SEMA5A: variants seen among roughly 807,000 people sequenced by gnomAD.
SEMA5A encodes the protein semaphorin-5A.
In SEMA5A, 55 loss-of-function variants were observed where a neutral mutation model predicts 135.5. That is an observed-to-expected ratio of 0.41 (90% CI 0.33 to 0.51). The LOEUF (loss-of-function observed/expected upper bound fraction) is 0.51. SEMA5A is among the 20% of genes least tolerant of loss of function. SEMA5A has a pLI of 0.37. For synonymous variants in SEMA5A, 580 were observed against 546.5 expected (o/e 1.06, Z -0.85); for missense variants, 1,290 against 1,419.9 (o/e 0.91, Z 1.47).
intron 12 of SEMA5A, among the ~76,000 whole-genome samples, chr5:9,152,023 T>C (rs938882196): frequency 1.3e-5 from 2 of 152,226 alleles, no homozygotes; most frequent in Non-Finnish European, 2.9e-5. Flanking sequence ...CCAGGGACAC[T>C]GTGCCTCTCA....
intron 16 of SEMA5A, among the ~76,000 whole-genome samples, chr5:9,071,857 A>C (rs1237490934): frequency 2.6e-5 from 4 of 152,216 alleles, no homozygotes; most frequent in African/African-American, 4.8e-5. Flanking sequence ...CTGAGACTGA[A>C]AGCAATTCAC....
At chr5:9,230,158 C>CTTTTTTTT (rs5865817) in intron 6 of SEMA5A, among the ~76,000 whole-genome samples, 46 of 98,266 alleles carry the variant, frequency 4.7e-4, no homozygotes, top group Non-Finnish European at 6.1e-4. Flanking sequence ...CTATTTTTTT[C>CTTTTTTTT]TTTTTTTTTT....
intron 16 of SEMA5A, among the ~76,000 whole-genome samples, chr5:9,089,653 T>A (rs1017712823): frequency 1.1e-4 from 16 of 152,198 alleles, no homozygotes; most frequent in Non-Finnish European, 1.5e-4. Context: ...TTGGCTGTGA[T>A]CTCCAGTACA....
intron 11 of SEMA5A, among the ~76,000 whole-genome samples, chr5:9,170,893 G>A (rs1743883351): frequency 6.6e-6 from 1 of 152,076 alleles, no homozygotes; most frequent in East Asian, 1.9e-4. Flanking sequence ...CATCCTTTGG[G>A]TGGTGCCCTG....
intron 11 of SEMA5A, among the ~76,000 whole-genome samples, chr5:9,188,281 C>A (rs889855877): frequency 6.6e-6 from 1 of 152,202 alleles, no homozygotes; most frequent in South Asian, 2.1e-4. Context: ...GACTTCTAAC[C>A]TTCAGAACCA....
intron 13 of SEMA5A, among the ~76,000 whole-genome samples, chr5:9,123,373 CA>C (rs11299191): frequency 0.086 from 11,493 of 133,696 alleles, 578 homozygotes; most frequent in African/African-American, 0.16. Flanking sequence ...GGGAGGGAGA[CA>C]GGGGGAAAGG....
chr5:9,497,966 A>T (rs907968967), intron 1 of SEMA5A, among the ~76,000 whole-genome samples: 2 of 152,224 alleles, frequency 1.3e-5, no homozygotes, highest in Admixed American at 6.5e-5. Context: ...GTATACAGAG[A>T]TGTATGCCAA....
At chr5:9,454,785 G>A (rs1758769287) in intron 1 of SEMA5A, among the ~76,000 whole-genome samples, 1 of 152,126 alleles carries the variant, frequency 6.6e-6, no homozygotes, top group Admixed American at 6.5e-5. Flanking sequence ...GAATGGAATT[G>A]GTTTCCTTTT....
At chr5:9,118,199 A>G (rs1429315183) in intron 15 of SEMA5A, among the ~76,000 whole-genome samples, 4 of 152,238 alleles carry the variant, frequency 2.6e-5, no homozygotes, top group Non-Finnish European at 5.9e-5. Flanking sequence ...AAGTCATTCA[A>G]TAAGTTTATA....
At chr5:9,083,022 A>G (rs1215003336) in intron 16 of SEMA5A, among the ~76,000 whole-genome samples, 2 of 152,246 alleles carry the variant, frequency 1.3e-5, no homozygotes, top group East Asian at 3.8e-4. Flanking sequence ...ATCAGCTCAT[A>G]TTCTGTAAAT....
chr5:9,305,711 T>TATATATATATATAC (rs1751830438), intron 5 of SEMA5A, among the ~76,000 whole-genome samples: 1 of 115,130 alleles, frequency 8.7e-6, no homozygotes, highest in South Asian at 2.7e-4. Flanking sequence ...TGTGTGCGTA[T>TATATATATATATAC]ATATATATAT....
At chr5:9,376,363 T>G (rs194262) in intron 3 of SEMA5A, among the ~76,000 whole-genome samples, 13,516 of 152,180 alleles carry the variant, frequency 0.089, 696 homozygotes, top group East Asian at 0.13. Flanking sequence ...CTTGCTCTTT[T>G]CCTCTCCCTG....
chr5:9,300,279 T>C (rs1490450628), intron 5 of SEMA5A, among the ~76,000 whole-genome samples: 1 of 152,130 alleles, frequency 6.6e-6, no homozygotes, highest in Non-Finnish European at 1.5e-5. Context: ...CCACCCGTCT[T>C]AGCCTCCAAA....
chr5:9,280,979 G>GA (rs1236427735), intron 5 of SEMA5A, among the ~76,000 whole-genome samples: 1 of 152,048 alleles, frequency 6.6e-6, no homozygotes, highest in Non-Finnish European at 1.5e-5. Flanking sequence ...CTAGGCTTGA[G>GA]AAAAACCACT....
chr5:9,405,608 G>A (rs1207197952), intron 2 of SEMA5A, among the ~76,000 whole-genome samples: 1 of 151,458 alleles, frequency 6.6e-6, no homozygotes, highest in Non-Finnish European at 1.5e-5. Context: ...TTTCTCTGTG[G>A]GTAAATAAGG....
At chr5:9,321,753 G>A (rs1752635483) in intron 4 of SEMA5A, among the ~76,000 whole-genome samples, 1 of 152,166 alleles carries the variant, frequency 6.6e-6, no homozygotes, top group South Asian at 2.1e-4. Flanking sequence ...GACTTCTTCA[G>A]TAAATATTTC....
chr5:9,437,478 T>A (rs935524717), intron 2 of SEMA5A, among the ~76,000 whole-genome samples: 6 of 152,122 alleles, frequency 3.9e-5, no homozygotes, highest in African/African-American at 1.4e-4. Flanking sequence ...TGCCTCAGCC[T>A]CCCAAGTAGC....
At chr5:9,053,466 T>G (rs927815925) in intron 19 of SEMA5A, among the ~76,000 whole-genome samples, 3 of 152,216 alleles carry the variant, frequency 2.0e-5, no homozygotes, top group African/African-American at 7.2e-5. Context: ...TTAATTGCAC[T>G]ACCTCTAAAT....
At chr5:9,140,814 C>T (rs11743952) in intron 12 of SEMA5A, among the ~76,000 whole-genome samples, 44,734 of 151,974 alleles carry the variant, frequency 0.29, 6,688 homozygotes, top group Non-Finnish European at 0.32. Flanking sequence ...CTTATTAAAG[C>T]AACATGACCA....
Sources: allele counts gnomAD v4.1 joint callset (sites outside exome capture counted in the v4.1 genomes callset), GRCh38; gene constraint gnomAD v4.1.1; transcripts MANE v1.5; gene names NCBI Gene and HGNC (gene_info 2026-07-23, HGNC 2026-07-21).